Variants in TAFA1 observed in about 807,000 individuals in gnomAD.
TAFA1 encodes the protein chemokine-like protein TAFA-1.
Under a neutral mutation model 18.5 loss-of-function variants are expected in TAFA1, and 4 were observed. That is an observed-to-expected ratio of 0.22 (90% confidence interval 0.11 to 0.49). The LOEUF (loss-of-function observed/expected upper bound fraction) is 0.49. TAFA1 is among the 20% of genes least tolerant of loss of function. TAFA1 has a pLI of 0.98. For missense variants in TAFA1, 147 were observed against 169.0 expected, an observed-to-expected ratio of 0.87 and a Z score of 0.72; for synonymous variants, 56 against 55.2, an observed-to-expected ratio of 1.01 and a Z score of -0.06.
intron 2 of TAFA1, among the ~76,000 whole-genome samples, chr3:68,301,308 C>G (rs796422406): frequency 6.6e-6 from 1 of 152,088 alleles, no homozygotes; most frequent in Admixed American, 6.6e-5. Flanking sequence ...TTTTCTGCAC[C>G]TATCTTCATT....
chr3:68,017,916 C>T (rs1192044880), intron 2 of TAFA1, among the ~76,000 whole-genome samples: 1 of 152,106 alleles, frequency 6.6e-6, no homozygotes, highest in Non-Finnish European at 1.5e-5. Context: ...TTGGGAAGCC[C>T]TCATGAAGGA....
intron 3 of TAFA1, among the ~76,000 whole-genome samples, chr3:68,522,447 C>T (rs547327037): frequency 1.3e-5 from 2 of 152,256 alleles, no homozygotes; most frequent in African/African-American, 4.8e-5. Context: ...GCTAGATGGC[C>T]ATTCCGATTT....
intron 2 of TAFA1, among the ~76,000 whole-genome samples, chr3:68,246,568 C>T (rs1261529667): frequency 1.7e-5 from 2 of 115,134 alleles, no homozygotes; most frequent in Non-Finnish European, 3.3e-5. Flanking sequence ...CCAGCCTGGG[C>T]GACAGAGCGG....
At chr3:68,446,541 C>T (rs1044577093) in intron 3 of TAFA1, among the ~76,000 whole-genome samples, 1 of 152,048 alleles carries the variant, frequency 6.6e-6, no homozygotes, top group East Asian at 1.9e-4. Context: ...TTTATATATG[C>T]CTGTCATTAA....
At chr3:68,248,126 T>G (rs1248888904) in intron 2 of TAFA1, among the ~76,000 whole-genome samples, 1 of 152,206 alleles carries the variant, frequency 6.6e-6, no homozygotes, top group African/African-American at 2.4e-5. Context: ...TTGTGAGCCT[T>G]CTGTACATAA....
At chr3:68,000,699 G>C (rs1042690700), upstream of TAFA1, among the ~76,000 whole-genome samples, 4 of 152,200 alleles carry the variant, frequency 2.6e-5, no homozygotes, top group African/African-American at 9.7e-5. Context: ...GACACAGGTG[G>C]GAGGTACATA....
chr3:68,397,014 G>T (rs1209975786), intron 2 of TAFA1, among the ~76,000 whole-genome samples: 2 of 152,052 alleles, frequency 1.3e-5, no homozygotes, highest in Non-Finnish European at 2.9e-5. Context: ...TTAGTTGTTT[G>T]CCATTTTGTT....
chr3:68,429,800 A>G (rs1455342208), intron 3 of TAFA1, among the ~76,000 whole-genome samples: 1 of 151,896 alleles, frequency 6.6e-6, no homozygotes, highest in Non-Finnish European at 1.5e-5. Context: ...TAGATCATCA[A>G]TTCCAGAGGT....
At chr3:68,062,621 T>C (rs1329077751) in intron 2 of TAFA1, among the ~76,000 whole-genome samples, 3 of 152,190 alleles carry the variant, frequency 2.0e-5, no homozygotes, top group Non-Finnish European at 2.9e-5. Flanking sequence ...GTTTTTCCAA[T>C]GGAAAAGTCT....
At chr3:68,385,352 G>A (rs2070070720) in intron 2 of TAFA1, among the ~76,000 whole-genome samples, 1 of 152,080 alleles carries the variant, frequency 6.6e-6, no homozygotes, top group Non-Finnish European at 1.5e-5. Context: ...AAAGACTAAA[G>A]TACTTGCTAA....
rs185102481 is a variant in TAFA1 at position 68,202,582 on chromosome 3, T to C, written c.118+195838T>C. Among the ~76,000 whole-genome samples the C allele has an allele frequency of 3.0e-4, 45 of 151,832 alleles. 2 individuals carry two copies. The East Asian group carries it at 8.8e-3, about 30-fold the overall frequency. On this transcript the variant is annotated intron_variant, in intron 2 of 4. Coordinates refer to ENST00000478136, the MANE Select transcript of TAFA1 (RefSeq NM_213609.4). ...ACTTCTTTTTTCACTTATTTAGTGG[T>C]TATTCTAGAGTTTGCAATACACATT...
intron 2 of TAFA1, among the ~76,000 whole-genome samples, chr3:68,403,078 T>C (rs1249839022): frequency 6.6e-6 from 1 of 152,226 alleles, no homozygotes; most frequent in Non-Finnish European, 1.5e-5. Context: ...GTACTTATTA[T>C]GTTATAGCTG....
intron 2 of TAFA1, among the ~76,000 whole-genome samples, chr3:68,032,919 G>T (rs973982519): frequency 6.6e-6 from 1 of 152,048 alleles, no homozygotes; most frequent in East Asian, 1.9e-4. Context: ...TCCTACTCCT[G>T]TTCAACTTGT....
intron 2 of TAFA1, among the ~76,000 whole-genome samples, chr3:68,155,528 C>T (rs2065858087): frequency 6.6e-6 from 1 of 152,152 alleles, no homozygotes; most frequent in Non-Finnish European, 1.5e-5. Context: ...CCCTGTGACT[C>T]CTTAGTTCAC....
chr3:68,160,758 G>A (rs1391341410), intron 2 of TAFA1, among the ~76,000 whole-genome samples: 1 of 152,184 alleles, frequency 6.6e-6, no homozygotes, highest in Admixed American at 6.5e-5. Context: ...CATTCAGAGG[G>A]TCAGGGTCTG....
At chr3:68,316,520 G>A (rs2068607746) in intron 2 of TAFA1, among the ~76,000 whole-genome samples, 4 of 152,082 alleles carry the variant, frequency 2.6e-5, no homozygotes, top group South Asian at 4.1e-4. Context: ...GCAGTGGTCC[G>A]GGCTTTTTCT....
At chr3:68,118,992 C>T (rs562450535) in intron 2 of TAFA1, among the ~76,000 whole-genome samples, 17 of 152,062 alleles carry the variant, frequency 1.1e-4, no homozygotes, top group African/African-American at 4.1e-4. Flanking sequence ...TCCCCACCAA[C>T]AGTGTACAAA....
chr3:68,150,010 A>G (rs2106919180), intron 2 of TAFA1, among the ~76,000 whole-genome samples: 1 of 152,310 alleles, frequency 6.6e-6, no homozygotes, highest in South Asian at 2.1e-4. Flanking sequence ...ATAGGTAATG[A>G]AGCAAGGTCT....
chr3:68,536,682 A>G (rs540989861), intron 3 of TAFA1, among the ~76,000 whole-genome samples: 22 of 152,304 alleles, frequency 1.4e-4, no homozygotes, highest in African/African-American at 5.1e-4. Context: ...ATTTGCATTG[A>G]GTGAATCTAG....
Sources: gnomAD v4.1 joint callset for allele counts (sites outside exome capture counted in the v4.1 genomes callset) on GRCh38, gnomAD v4.1.1 for gene constraint, MANE v1.5 for transcripts, NCBI Gene and HGNC (gene_info 2026-07-23, HGNC 2026-07-21) for gene names.